The following LPP variants were observed in gnomAD, a reference collection of about 807,000 sequenced individuals.
LPP encodes LIM domain containing preferred translocation partner in lipoma.
A neutral mutation model predicts 60.4 loss-of-function variants in LPP; 38 were observed. The ratio of observed to expected loss-of-function variants is 0.63; its 90% CI spans 0.49 to 0.83. The LOEUF (loss-of-function observed/expected upper bound fraction) is 0.83. Among genes scored for constraint, LPP ranks in the 40% least tolerant of loss-of-function variants. The pLI is 0.00. For missense variants in LPP, 902 were observed against 783.6 expected, an observed-to-expected ratio of 1.15 and a Z score of -1.80; for synonymous variants, 328 against 290.8, an observed-to-expected ratio of 1.13 and a Z score of -1.30.
chr3:188,781,089 G>T (rs1739480091), intron 9 of LPP, among the ~76,000 whole-genome samples: 1 of 152,228 alleles, frequency 6.6e-6, no homozygotes, highest in Non-Finnish European at 1.5e-5. Flanking sequence ...AACTCACCGG[G>T]AGAAATAAAG....
rs371386108 is a variant in LPP, at chr3:188,885,467, C to T, written c.*10988C>T. 98 of 186,352 alleles carry T rather than the reference C, an allele frequency of 5.3e-4. No individual in the cohort carries two copies. The East Asian group carries it at 5.8e-3, about 11-fold the overall frequency. 11.5% of individuals were successfully genotyped at this position (186,352 alleles called of 1,614,324 possible). Reference sequence around the variant, plus strand: ...GAGTGGTGGCTTTGGTTGAGATGCACGTTCACAGACTAGAAAAGTGCCTCA... The same window carrying T: ...GAGTGGTGGCTTTGGTTGAGATGCATGTTCACAGACTAGAAAAGTGCCTCA... On this transcript the variant is annotated 3_prime_UTR_variant, in exon 12 of 12. Coordinates refer to ENST00000617246, the MANE Select transcript of LPP (RefSeq NM_001375462.1).
chr3:188,211,538 T>A (rs1191709786), intron 1 of LPP, among the ~76,000 whole-genome samples: 1 of 152,154 alleles, frequency 6.6e-6, no homozygotes, highest in Non-Finnish European at 1.5e-5. Context: ...CTCTTTCTCC[T>A]CCTTTAATTC....
chr3:188,447,261 G>A (rs1795436868), intron 4 of LPP, among the ~76,000 whole-genome samples: 1 of 152,180 alleles, frequency 6.6e-6, no homozygotes, highest in Non-Finnish European at 1.5e-5. Flanking sequence ...ACATGATTTT[G>A]TGAAACCAGG....
chr3:188,889,455 T>G lies in LPP; in HGVS notation c.*14976T>G, dbSNP rs1446617367. On this transcript the variant is annotated 3_prime_UTR_variant, in exon 12 of 12. Coordinates refer to ENST00000617246, the MANE Select transcript of LPP (RefSeq NM_001375462.1). ...CAGCTGGCAGATTACACTTGCCAAG[T>G]CGTTCCCTTTCCTTCTAAGTCAGTT... The G allele has an allele frequency of 8.6e-6, 2 of 231,522 alleles. No homozygotes were observed. Among genetic ancestry groups the G allele is most frequent in the Non-Finnish European group, 1.7e-5 (2 of 116,954 alleles). The allele number at this position is 231,522 out of a possible 1,614,324, so 14.3% of individuals were successfully genotyped here. A position where few individuals can be genotyped will look rare whatever the true frequency, so the allele number is the denominator to read the frequency against.
intron 6 of LPP, among the ~76,000 whole-genome samples, chr3:188,573,054 G>C (rs7629059): frequency 0.31 from 47,639 of 151,976 alleles, 7,778 homozygotes; most frequent in Middle Eastern, 0.36. Flanking sequence ...GTGTCAATAA[G>C]TTTGTAATAG....
intron 1 of LPP, among the ~76,000 whole-genome samples, chr3:188,156,986 G>A (rs762421080): frequency 6.6e-5 from 10 of 152,092 alleles, no homozygotes; most frequent in Non-Finnish European, 5.9e-5. Context: ...AGACAAATAC[G>A]TTGTATCGAA....
intron 6 of LPP, among the ~76,000 whole-genome samples, chr3:188,553,425 G>T (rs1463944309): frequency 6.6e-6 from 1 of 152,154 alleles, no homozygotes; most frequent in East Asian, 1.9e-4. Context: ...AGGACAGAGA[G>T]ATGCCTTGGA....
At chr3:188,873,196 G>T (rs572157680) in intron 11 of LPP, among the ~76,000 whole-genome samples, 1 of 152,104 alleles carries the variant, frequency 6.6e-6, no homozygotes, top group African/African-American at 2.4e-5. Flanking sequence ...TTTCCTGAAC[G>T]CCTCTAGAGC....
chr3:188,415,622 G>C (rs1216155746), intron 4 of LPP, among the ~76,000 whole-genome samples: 1 of 151,914 alleles, frequency 6.6e-6, no homozygotes, highest in African/African-American at 2.4e-5. Flanking sequence ...CAGTAAAAAA[G>C]AATGAAGTAT....
intron 9 of LPP, among the ~76,000 whole-genome samples, chr3:188,773,212 A>G (rs184100398): frequency 4.3e-4 from 66 of 152,292 alleles, no homozygotes; most frequent in African/African-American, 1.5e-3. Context: ...ATGAATAAAT[A>G]AAGTCTACTC....
intron 9 of LPP, among the ~76,000 whole-genome samples, chr3:188,848,768 C>T (rs765308437): frequency 1.2e-3 from 177 of 152,248 alleles, no homozygotes; most frequent in Non-Finnish European, 1.6e-3. Context: ...GAGATCAAGA[C>T]CATCCTGGCC....
intron 8 of LPP, among the ~76,000 whole-genome samples, chr3:188,718,417 A>G (rs1189721575): frequency 6.6e-6 from 1 of 152,228 alleles, no homozygotes; most frequent in Non-Finnish European, 1.5e-5. Context: ...TTATTCAAAC[A>G]TAAGAACACA....
chr3:188,799,138 A>G (rs1282653945), intron 9 of LPP, among the ~76,000 whole-genome samples: 1 of 152,262 alleles, frequency 6.6e-6, no homozygotes, highest in African/African-American at 2.4e-5. Context: ...TTCCAATTCT[A>G]CATCACCTTT....
rs572084325 is a variant in LPP, at chr3:188,624,509, A to C, written c.1113+14665A>C. Among the ~76,000 whole-genome samples the C allele has an allele frequency of 2.6e-5, 4 of 152,316 alleles. No homozygotes were observed. The South Asian group carries it at 8.3e-4, about 32-fold the overall frequency. Reference sequence around the variant, plus strand: ...ATTCCTGCAGGAGAAATGCCAAGTGAGTGAGCCTAGTCCAAGTTTGTTTAG... The same window carrying C: ...ATTCCTGCAGGAGAAATGCCAAGTGCGTGAGCCTAGTCCAAGTTTGTTTAG... On this transcript the variant is annotated intron_variant, in intron 7 of 11. Coordinates refer to ENST00000617246, the MANE Select transcript of LPP (RefSeq NM_001375462.1).
chr3:188,502,942 T>A (rs1812332340), intron 5 of LPP, among the ~76,000 whole-genome samples: 1 of 152,100 alleles, frequency 6.6e-6, no homozygotes, highest in South Asian at 2.1e-4. Context: ...GTGTATCACT[T>A]TTACACCATC....
intron 2 of LPP, among the ~76,000 whole-genome samples, chr3:188,264,840 A>G (rs568907347): frequency 1.3e-5 from 2 of 152,134 alleles, no homozygotes; most frequent in South Asian, 4.2e-4. Context: ...TTTTTATAAC[A>G]TATGAATATT....
chr3:188,628,619 C>A (rs1847292206), intron 7 of LPP, among the ~76,000 whole-genome samples: 1 of 152,030 alleles, frequency 6.6e-6, no homozygotes, highest in South Asian at 2.1e-4. Flanking sequence ...AACCTACCAA[C>A]CAGTAAAAGT....
intron 9 of LPP, among the ~76,000 whole-genome samples, chr3:188,808,586 A>G (rs543115721): frequency 5.3e-5 from 8 of 152,140 alleles, no homozygotes; most frequent in South Asian, 2.1e-4. Context: ...GCAGGGCATT[A>G]AGCCTTTCCC....
chr3:188,325,831 G>A (rs1225323445), intron 2 of LPP, among the ~76,000 whole-genome samples: 1 of 152,048 alleles, frequency 6.6e-6, no homozygotes, highest in Non-Finnish European at 1.5e-5. Context: ...CTGTATCTCC[G>A]CCTGTAGAAG....
Sources: allele counts gnomAD v4.1 joint callset (sites outside exome capture counted in the v4.1 genomes callset), GRCh38; gene constraint gnomAD v4.1.1; transcripts MANE v1.5; gene names NCBI Gene and HGNC (gene_info 2026-07-23, HGNC 2026-07-21).